The following COL4A4 variants were observed in gnomAD, a reference collection of about 807,000 sequenced individuals.
COL4A4 encodes collagen alpha-4(IV) chain.
Under a neutral mutation model 192.9 loss-of-function variants are expected in COL4A4, and 105 were observed. The ratio of observed to expected loss-of-function variants is 0.54; its 90% CI spans 0.46 to 0.64. The LOEUF is 0.64. Among genes scored for constraint, COL4A4 ranks in the 30% least tolerant of loss-of-function variants. COL4A4 has a pLI of 0.00. For synonymous variants in COL4A4, 762 were observed against 769.9 expected, an observed-to-expected ratio of 0.99 and a Z score of 0.17; for missense variants, 1,967 against 2,169.3, an observed-to-expected ratio of 0.91 and a Z score of 1.85.
At chr2:227,002,401 C>T (rs560424609), downstream of COL4A4, among the ~76,000 whole-genome samples, 83 of 152,368 alleles carry the variant, frequency 5.4e-4, no homozygotes, top group African/African-American at 1.8e-3. Flanking sequence ...GTCTTATTCT[C>T]ACTCAACTAA....
intron 12 of COL4A4, among the ~76,000 whole-genome samples, chr2:227,107,626 C>T (rs1335865146): frequency 1.3e-5 from 2 of 152,200 alleles, no homozygotes; most frequent in Non-Finnish European, 2.9e-5. Context: ...TCCCCACACC[C>T]AGTGTCAGTC....
chr2:227,041,848 G>GAAAGAAAGAGAGAGAGAGAGAA (rs1243663359), intron 37 of COL4A4, among the ~76,000 whole-genome samples: 2 of 38,736 alleles, frequency 5.2e-5, no homozygotes, highest in African/African-American at 1.2e-4. Flanking sequence ...AAGAAAGAAA[G>GAAAGAAAGAGAGAGAGAGAGAA]AGAAAGAAAG....
rs914584228 is a variant in COL4A4, at chr2:227,164,158, G to C, written c.-253C>G. The C allele has an allele frequency of 6.6e-6, 1 of 152,496 alleles. No homozygotes were observed. Among genetic ancestry groups the C allele is most frequent in the African/African-American group, 2.4e-5 (1 of 41,454 alleles). The allele number at this position is 152,496 out of a possible 1,614,324, so 9.4% of individuals were successfully genotyped here. A position where few individuals can be genotyped will look rare whatever the true frequency, so the allele number is the denominator to read the frequency against. On this transcript the variant is annotated 5_prime_UTR_variant, in exon 1 of 48. Coordinates refer to ENST00000396625, the MANE Select transcript of COL4A4 (RefSeq NM_000092.5). The surrounding 1 kb of genome is among the most constrained non-coding windows in gnomAD (Gnocchi z 4.8). ...CAAGTTGGAGGCGGGCTGGAGGCGG[G>C]GAACGCGGACCGCCGCGGGCGCGGG... is the stretch of plus-strand genomic sequence containing the variant.
At chr2:227,136,974 CCTT>C (rs71863930) in intron 4 of COL4A4, among the ~76,000 whole-genome samples, 12,130 of 152,180 alleles carry the variant, frequency 0.08, 1,581 homozygotes, top group African/African-American at 0.27. Context: ...TCCCAAACCA[CCTT>C]CTGTTACGCA....
rs1162043091 is a variant in COL4A4, at chr2:227,123,334, A to G, written c.193-2186T>C. Among the ~76,000 whole-genome samples, 2 of 152,214 alleles carry G rather than the reference A, an allele frequency of 1.3e-5. No homozygotes were observed. The highest frequency in any genetic ancestry group is 2.9e-5 in the Non-Finnish European group (2 of 68,042). On this transcript the variant is annotated intron_variant, in intron 4 of 47. Transcript: ENST00000396625. The surrounding 1 kb of genome is among the most constrained non-coding windows in gnomAD (Gnocchi z 4.6). The stretch of plus-strand genomic sequence containing the variant: ...AAAGGCACCAACCTGAGACTCAGTG[A>G]ATAAATTAGGGTGCCTTCAAACAGG...
intron 2 of COL4A4, among the ~76,000 whole-genome samples, chr2:227,146,258 T>C (rs1275949449): frequency 6.6e-6 from 1 of 151,486 alleles, no homozygotes; most frequent in Admixed American, 6.6e-5. Context: ...TCTGCCACTG[T>C]AGATATTAAA....
Position 227,140,042 on chromosome 2 carries a change from A to G in COL4A4, c.192+119T>C, listed in dbSNP as rs1252846385. On this transcript the variant is annotated intron_variant, in intron 4 of 47. Transcript: ENST00000396625. ...AGAATGTGAAAAACTTCGGCTGTGA[A>G]ATACATAAACATTATCGAGGACTAA... is the stretch of plus-strand genomic sequence containing the variant. 6 of 827,724 alleles carry G rather than the reference A, an allele frequency of 7.2e-6. No homozygotes were observed. In the East Asian group the frequency reaches 1.0e-4, roughly 14 times the overall value. The allele number at this position is 827,724 out of a possible 1,614,324, so 51.3% of individuals were successfully genotyped here. A position where few individuals can be genotyped will look rare whatever the true frequency, so the allele number is the denominator to read the frequency against.
intron 25 of COL4A4, among the ~76,000 whole-genome samples, chr2:227,074,672 G>T (rs1474783143): frequency 1.3e-5 from 2 of 152,104 alleles, no homozygotes; most frequent in Non-Finnish European, 2.9e-5. Flanking sequence ...TGACTAATGA[G>T]TGGATAAAGA....
intron 22 of COL4A4, among the ~76,000 whole-genome samples, chr2:227,087,242 T>G (rs1471633015): frequency 1.3e-5 from 2 of 152,222 alleles, no homozygotes; most frequent in Non-Finnish European, 2.9e-5. Flanking sequence ...ATCCACTCTC[T>G]GGCATGATAT....
At chr2:226,972,340 GC>G in the COL4A4 span, among the ~76,000 whole-genome samples, 3 of 152,120 alleles carry the variant, frequency 2.0e-5, no homozygotes, top group Non-Finnish European at 4.4e-5. Context: ...GATGGAAAAA[GC>G]CCACTTCTTA....
In COL4A4 at chr2:227,054,687, G is replaced by A; in HGVS notation, c.2767C>T (p.Pro923Ser). 2 of 1,614,204 alleles carry A rather than the reference G, an allele frequency of 1.2e-6. No homozygotes were observed. Among genetic ancestry groups the A allele is most frequent in the South Asian group, 1.1e-5 (1 of 91,086 alleles). Residue 923 changes from proline to serine, a missense_variant, in exon 31 of 48, where the codon CCT becomes TCT. Physicochemically the swap from Pro to Ser is moderately conservative, Grantham distance 74. Transcript: ENST00000396625. ...FPGFPGERGK[P>S]GAEGCPGAKG... Reference sequence around the variant, plus strand: ...GCGCCAGGACATCCCTCTGCACCAGGCTTTCCTCTTTCTCCGGGAAAACCT... The same window carrying A: ...GCGCCAGGACATCCCTCTGCACCAGACTTTCCTCTTTCTCCGGGAAAACCT...
chr2:227,120,596 G>A (rs923747064), intron 5 of COL4A4, among the ~76,000 whole-genome samples: 1 of 152,022 alleles, frequency 6.6e-6, no homozygotes, highest in African/African-American at 2.4e-5. Flanking sequence ...AGGAGTTCAG[G>A]GACTTCATTT....
intron 31 of COL4A4, among the ~76,000 whole-genome samples, chr2:227,054,144 A>G (rs1051651432): frequency 2.6e-5 from 4 of 152,194 alleles, no homozygotes; most frequent in Admixed American, 2.0e-4. Context: ...TGTGTTGTCT[A>G]TGTCTGCTTT....
chr2:227,082,075 T>G, intron 23 of COL4A4, 40 bp downstream of exon 23: 1 of 1,532,788 alleles, frequency 6.5e-7, no homozygotes, highest in Non-Finnish European at 9.0e-7. Flanking sequence ...CATACATCAT[T>G]CATAAAATGG....
chr2:227,072,087 T>G (rs886743682), intron 25 of COL4A4, among the ~76,000 whole-genome samples: 4 of 150,506 alleles, frequency 2.7e-5, no homozygotes, highest in African/African-American at 9.8e-5. Flanking sequence ...ATATGAAAAA[T>G]TAATGAATAA....
chr2:227,021,014 C>T lies in COL4A4; in HGVS notation c.4216+1034G>A, dbSNP rs527372790. Among the ~76,000 whole-genome samples, 11 of 151,666 alleles carry T rather than the reference C, an allele frequency of 7.3e-5. No homozygotes were observed. The South Asian group carries it at 2.1e-3, about 29-fold the overall frequency. On this transcript the variant is annotated intron_variant, in intron 44 of 47. Coordinates refer to ENST00000396625, the MANE Select transcript of COL4A4 (RefSeq NM_000092.5). ...CCAGGTGGCTGGGATTACAGGTGCC[C>T]GCCACCAAGCCCTGCTAATTTTTGT...
rs767556215 is a variant in COL4A4 at position 227,003,800 on chromosome 2, C to T, written c.*3525G>A. 1 of 152,108 alleles carries T rather than the reference C, an allele frequency of 6.6e-6. No individual in the cohort carries two copies. The highest frequency in any genetic ancestry group is 1.5e-5 in the Non-Finnish European group (1 of 68,030). The allele number at this position is 152,108 out of a possible 1,614,324, so 9.4% of individuals were successfully genotyped here. On this transcript the variant is annotated 3_prime_UTR_variant, in exon 48 of 48. Transcript: ENST00000396625. ...GAAGGGTCTTCTCAGTCGGATCTCT[C>T]AAATCTCATTTCTGAAATTTCTGTT...
rs11458771 is a variant in COL4A4, at chr2:227,060,725, ATTTT to A, written c.2057-486_2057-483del. On this transcript the variant is annotated intron_variant, in intron 26 of 47. Coordinates refer to ENST00000396625, the MANE Select transcript of COL4A4 (RefSeq NM_000092.5). The stretch of plus-strand genomic sequence containing the variant: ...AAGCACTTGCAAAAAGTAATAGAGA[ATTTT>A]TTTTTTTTTTTTTTTTGAGACAGAG... Among the ~76,000 whole-genome samples the A allele has an allele frequency of 5.4e-3, 752 of 139,074 alleles. 12 individuals carry two copies. The highest frequency in any genetic ancestry group is 0.018 in the African/African-American group (666 of 37,544). 91.2% of individuals were successfully genotyped at this position (139,074 alleles called of 152,430 possible).
chr2:227,149,549 C>T (rs1422893820), intron 1 of COL4A4, among the ~76,000 whole-genome samples: 1 of 152,106 alleles, frequency 6.6e-6, no homozygotes, highest in Admixed American at 6.5e-5. Flanking sequence ...ACAAGCTTGT[C>T]TAAAGCACAT....
Sources: gnomAD v4.1 joint callset for allele counts (sites outside exome capture counted in the v4.1 genomes callset) on GRCh38, gnomAD v4.1.1 for gene constraint, Gnocchi (gnomAD v3.1) non-coding constraint, MANE v1.5 for transcripts, NCBI Gene and HGNC (gene_info 2026-07-23, HGNC 2026-07-21) for gene names.